EDARADD: variants seen among roughly 807,000 people sequenced by gnomAD.
EDARADD encodes the protein ectodysplasin-A receptor-associated adapter protein.
EDARADD carries 20 observed loss-of-function variants against 25.6 expected under a neutral mutation model. The ratio of observed to expected loss-of-function variants is 0.78; its 90% CI spans 0.55 to 1.14. The LOEUF is 1.14. Among genes scored for constraint, EDARADD ranks in the 50% most tolerant of loss-of-function variants. The pLI is 0.00. For missense variants in EDARADD, 225 were observed against 270.1 expected, an observed-to-expected ratio of 0.83 and a Z score of 1.17; for synonymous variants, 86 against 94.4, an observed-to-expected ratio of 0.91 and a Z score of 0.52.
In EDARADD at chr1:236,364,902, A is replaced by G. The variant is rs1158472219; in HGVS notation, c.-6+14063A>G. ...TTTTCTTGGCTTGATTCCACTGGCAAGAACCTCTAGTGGAATACTGAATAG... is the reference window on the plus strand; with the variant it reads ...TTTTCTTGGCTTGATTCCACTGGCAGGAACCTCTAGTGGAATACTGAATAG... On this transcript the variant is annotated intron_variant, in intron 3 of 7. Transcript: ENST00000439430. Among the ~76,000 whole-genome samples the G allele has an allele frequency of 2.0e-5, 3 of 152,184 alleles. No homozygotes were observed. The East Asian group carries it at 5.8e-4, about 29-fold the overall frequency.
intron 4 of EDARADD, among the ~76,000 whole-genome samples, chr1:236,447,044 C>G (rs947617521): frequency 2.0e-5 from 3 of 152,176 alleles, no homozygotes; most frequent in African/African-American, 7.2e-5. Context: ...GTCACCAGTG[C>G]TGGCACCAGA....
intron 2 of EDARADD, among the ~76,000 whole-genome samples, chr1:236,411,512 CCTTCTT>C (rs71559952): frequency 6.6e-6 from 1 of 150,586 alleles, no homozygotes; most frequent in Non-Finnish European, 1.5e-5. Flanking sequence ...TTCTCCCTCT[CCTTCTT>C]CTTTCTTCTT....
At chr1:236,405,881 CTTTCTTTCT>C (rs1558112860) in intron 1 of EDARADD, among the ~76,000 whole-genome samples, 212 of 34,330 alleles carry the variant, frequency 6.2e-3, no homozygotes, top group African/African-American at 0.018. Flanking sequence ...TTCCTTCTTT[CTTTCTTTCT>C]TTCTTTCTTT....
intron 3 of EDARADD, among the ~76,000 whole-genome samples, chr1:236,420,159 C>G (rs1657747166): frequency 6.6e-6 from 1 of 152,204 alleles, no homozygotes; most frequent in Non-Finnish European, 1.5e-5. Context: ...GCACTCCACC[C>G]TGGACAACAA....
intron 3 of EDARADD, among the ~76,000 whole-genome samples, chr1:236,373,061 G>A (rs11582113): frequency 0.24 from 35,488 of 147,606 alleles, 4,336 homozygotes; most frequent in East Asian, 0.39. Flanking sequence ...GACTACAGGC[G>A]CTTGCCACCA....
chr1:236,374,023 G>T (rs1362718933), intron 3 of EDARADD, among the ~76,000 whole-genome samples: 1 of 152,130 alleles, frequency 6.6e-6, no homozygotes, highest in Non-Finnish European at 1.5e-5. Flanking sequence ...TGTGGTCTAA[G>T]AGCAGATACT....
chr1:236,364,838 C>T (rs981342818), intron 3 of EDARADD, among the ~76,000 whole-genome samples: 5 of 152,164 alleles, frequency 3.3e-5, no homozygotes, highest in African/African-American at 1.2e-4. Flanking sequence ...CTATGAATAA[C>T]AGTTTTAATT....
chr1:236,356,911 A>G (rs1223417623), intron 3 of EDARADD, among the ~76,000 whole-genome samples: 2 of 151,842 alleles, frequency 1.3e-5, no homozygotes, highest in Non-Finnish European at 2.9e-5. Context: ...TGGAGAAAAC[A>G]CGTCTCTAAT....
At chr1:236,352,319 T>G (rs1015302443) in intron 3 of EDARADD, among the ~76,000 whole-genome samples, 1 of 152,206 alleles carries the variant, frequency 6.6e-6, no homozygotes, top group Non-Finnish European at 1.5e-5. Flanking sequence ...TTTGGCTTGG[T>G]GGTGTGGAAC....
chr1:236,412,514 TC>T (rs1484998753), intron 2 of EDARADD, among the ~76,000 whole-genome samples: 10 of 152,270 alleles, frequency 6.6e-5, no homozygotes, highest in Admixed American at 3.3e-4. Context: ...AGAAACTGGG[TC>T]CGTCATTTCT....
chr1:236,367,156 G>A (rs906305428), intron 3 of EDARADD, among the ~76,000 whole-genome samples: 10 of 147,250 alleles, frequency 6.8e-5, no homozygotes, highest in African/African-American at 2.5e-4. Context: ...TTTTTGGGTT[G>A]TTTCAGGCTA....
upstream of EDARADD, among the ~76,000 whole-genome samples, chr1:236,391,693 AC>A (rs1476337776): frequency 6.6e-6 from 1 of 152,218 alleles, no homozygotes; most frequent in African/African-American, 2.4e-5. Flanking sequence ...TGTAACACTT[AC>A]CTCAAATGGC....
chr1:236,365,706 G>T (rs34370981), intron 3 of EDARADD, among the ~76,000 whole-genome samples: 52,245 of 146,722 alleles, frequency 0.36, 9,237 homozygotes, highest in African/African-American at 0.44. Flanking sequence ...CCTCCAAATA[G>T]TTTTCAGTTG....
chr1:236,392,488 C>G (rs1252694777), upstream of EDARADD, among the ~76,000 whole-genome samples: 7 of 91,120 alleles, frequency 7.7e-5, no homozygotes, highest in Non-Finnish European at 1.3e-4. Flanking sequence ...CCATGCTCAG[C>G]TAATTTTTTT....
chr1:236,478,035 G>A (rs601974), intron 5 of EDARADD, among the ~76,000 whole-genome samples: 4,468 of 152,118 alleles, frequency 0.029, 153 homozygotes, highest in African/African-American at 0.082. Flanking sequence ...CCCGAGAGGC[G>A]GAGGTTGCTG....
At chr1:236,412,765 A>G (rs1011210511) in intron 2 of EDARADD, among the ~76,000 whole-genome samples, 2 of 152,186 alleles carry the variant, frequency 1.3e-5, no homozygotes, top group African/African-American at 4.8e-5. Context: ...CTTTCAGTGG[A>G]TGTTTACTTA....
chr1:236,401,054 T>C (rs1667605399), intron 1 of EDARADD, among the ~76,000 whole-genome samples: 1 of 151,886 alleles, frequency 6.6e-6, no homozygotes, highest in African/African-American at 2.4e-5. Flanking sequence ...AAAAATTAGC[T>C]GGGCACCTGT....
chr1:236,357,914 C>T (rs1264719720), intron 3 of EDARADD, among the ~76,000 whole-genome samples: 2 of 150,592 alleles, frequency 1.3e-5, no homozygotes, highest in Non-Finnish European at 2.9e-5. Flanking sequence ...GCTCTTTTGC[C>T]CAGGCTGGAG....
At chr1:236,380,093 C>A (rs1316872380) in intron 3 of EDARADD, among the ~76,000 whole-genome samples, 1 of 152,176 alleles carries the variant, frequency 6.6e-6, no homozygotes, top group African/African-American at 2.4e-5. Context: ...CTTCCATTTC[C>A]TTGTTGCTTT....
Sources: allele counts gnomAD v4.1 joint callset (sites outside exome capture counted in the v4.1 genomes callset), GRCh38; gene constraint gnomAD v4.1.1; transcripts MANE v1.5; gene names NCBI Gene and HGNC (gene_info 2026-07-23, HGNC 2026-07-21).